ATXN1: variants seen among roughly 807,000 people sequenced by gnomAD.
ATXN1 encodes ataxin 1.
In ATXN1, 8 loss-of-function variants were observed where a neutral mutation model predicts 56.4. The ratio of observed to expected loss-of-function variants is 0.14; its 90% CI spans 0.08 to 0.26. The LOEUF (loss-of-function observed/expected upper bound fraction) is 0.26, where lower values mean the gene tolerates loss of function less well. Among genes scored for constraint, ATXN1 ranks in the 10% least tolerant of loss-of-function variants. The pLI is 1.00. For synonymous variants in ATXN1, 514 were observed against 494.6 expected (o/e 1.04, Z -0.52); for missense variants, 987 against 1,106.5 (o/e 0.89, Z 1.53).
chr6:16,533,107 T>C (rs560398408), intron 4 of ATXN1, among the ~76,000 whole-genome samples: 1 of 152,318 alleles, frequency 6.6e-6, no homozygotes. Context: ...TTTGGGAAGA[T>C]GAAAACGTTC....
At chr6:16,564,313 G>GA (rs11403124) in intron 4 of ATXN1, among the ~76,000 whole-genome samples, 44,045 of 150,974 alleles carry the variant, frequency 0.29, 6,781 homozygotes, top group East Asian at 0.59. Flanking sequence ...TGTGTAAAAT[G>GA]AAAAAAAAAT....
intron 4 of ATXN1, among the ~76,000 whole-genome samples, chr6:16,564,991 A>G (rs1044356179): frequency 2.6e-5 from 4 of 152,204 alleles, no homozygotes; most frequent in Non-Finnish European, 5.9e-5. Flanking sequence ...TGACTTATGA[A>G]TATCAGAAGA....
intron 6 of ATXN1, among the ~76,000 whole-genome samples, chr6:16,385,074 G>A (rs964347406): frequency 6.6e-6 from 1 of 152,192 alleles, no homozygotes; most frequent in Non-Finnish European, 1.5e-5. Context: ...AGAGTACACA[G>A]GAATGTGTGA....
intron 3 of ATXN1, among the ~76,000 whole-genome samples, chr6:16,605,362 A>C (rs999678988): frequency 1.3e-5 from 2 of 152,140 alleles, no homozygotes; most frequent in African/African-American, 4.8e-5. Context: ...AGGCTTAAAG[A>C]GGGTATGACT....
intron 3 of ATXN1, among the ~76,000 whole-genome samples, chr6:16,640,563 G>A (rs1385915253): frequency 1.3e-5 from 2 of 151,402 alleles, no homozygotes; most frequent in Non-Finnish European, 3.0e-5. Context: ...GGTGCCTGTA[G>A]TCTCAGCTAT....
At chr6:16,491,090 A>ATTTTTTTTTTTTTTTTTTTTTTTTTT (rs35884389) in intron 5 of ATXN1, among the ~76,000 whole-genome samples, 1 of 78,310 alleles carries the variant, frequency 1.3e-5, no homozygotes, top group Non-Finnish European at 2.2e-5. Flanking sequence ...GGATCCCTGG[A>ATTTTTTTTTTTTTTTTTTTTTTTTTT]TTTTTTTTTT....
intron 2 of ATXN1, among the ~76,000 whole-genome samples, chr6:16,660,430 A>G (rs189165786): frequency 1.1e-4 from 17 of 152,242 alleles, no homozygotes; most frequent in South Asian, 4.1e-4. Context: ...CTGAACAGTT[A>G]TAAGCAACAG....
chr6:16,694,859 T>C (rs1759127704), intron 2 of ATXN1, among the ~76,000 whole-genome samples: 1 of 152,208 alleles, frequency 6.6e-6, no homozygotes. Flanking sequence ...CCTCCTCAAG[T>C]GGAGTCGAAC....
intron 3 of ATXN1, among the ~76,000 whole-genome samples, chr6:16,651,194 C>G (rs1320685568): frequency 6.6e-6 from 1 of 152,192 alleles, no homozygotes; most frequent in African/African-American, 2.4e-5. Context: ...TGCTGAAGGT[C>G]TGCAACAGAA....
At position 16,326,906 on chromosome 6, in the gene ATXN1, G is replaced by T; in HGVS notation, c.1405C>A (p.Gln469Lys). The T allele has an allele frequency of 6.2e-7, 1 of 1,613,334 alleles. No homozygotes were observed. The highest frequency in any genetic ancestry group is 8.5e-7 in the Non-Finnish European group (1 of 1,179,524). Residue 469 changes from glutamine to lysine, a missense_variant, in exon 7 of 8, where the codon CAG becomes AAG. Around this residue, in one of 3 missense-constraint regions of ATXN1, gnomAD observed 723 missense variants for 791.7 expected, o/e 0.91. Transcript: ENST00000436367. This position sits in a 1 kb window ranked among gnomAD's most constrained non-coding sequence, Gnocchi z 6.6. ...PPVIGYLSGQ[Q>K]QAITYAGSLP... ...CTGCCGGCGTAGGTGATTGCTTGCT[G>T]CTGGCCGCTCAGGTAGCCGATGACA...
chr6:16,723,763 A>C (rs1282429624), intron 2 of ATXN1, among the ~76,000 whole-genome samples: 1 of 148,990 alleles, frequency 6.7e-6, no homozygotes, highest in Non-Finnish European at 1.5e-5. Flanking sequence ...AGAATCTGAC[A>C]TTTTGAAATT....
chr6:16,390,020 A>T (rs1758320205), intron 6 of ATXN1, among the ~76,000 whole-genome samples: 1 of 152,232 alleles, frequency 6.6e-6, no homozygotes, highest in South Asian at 2.1e-4. Context: ...ACAGATTATT[A>T]ATAGGCCTAC....
chr6:16,443,660 C>T (rs1351422138), intron 6 of ATXN1, among the ~76,000 whole-genome samples: 1 of 152,144 alleles, frequency 6.6e-6, no homozygotes, highest in East Asian at 1.9e-4. Context: ...GAAATTATTG[C>T]AAGTGTAGTG....
intron 6 of ATXN1, among the ~76,000 whole-genome samples, chr6:16,332,333 G>T (rs1458559694): frequency 6.6e-6 from 1 of 152,162 alleles, no homozygotes; most frequent in Non-Finnish European, 1.5e-5. Context: ...TCTATCGGGT[G>T]ATCATGGGAC....
intron 3 of ATXN1, among the ~76,000 whole-genome samples, chr6:16,632,341 G>A (rs1763519335): frequency 6.6e-6 from 1 of 152,224 alleles, no homozygotes. Context: ...ACATGAGGAT[G>A]ACATGTGACA....
intron 6 of ATXN1, among the ~76,000 whole-genome samples, chr6:16,348,966 C>T (rs1004092081): frequency 2.0e-5 from 3 of 152,200 alleles, no homozygotes; most frequent in African/African-American, 4.8e-5. Flanking sequence ...TTTCTCTGAT[C>T]TAAGTACTAA....
At chr6:16,556,528 G>A (rs1762017391) in intron 4 of ATXN1, among the ~76,000 whole-genome samples, 2 of 152,286 alleles carry the variant, frequency 1.3e-5, no homozygotes, top group East Asian at 1.9e-4. Flanking sequence ...CACTGCGGGA[G>A]AACTAACACA....
chr6:16,493,814 T>G (rs199787204), intron 5 of ATXN1, among the ~76,000 whole-genome samples: 4 of 152,172 alleles, frequency 2.6e-5, no homozygotes, highest in African/African-American at 4.8e-5. Flanking sequence ...AATCATCACA[T>G]AAGTCTCTAA....
At chr6:16,523,740 A>G (rs1419272000) in intron 4 of ATXN1, among the ~76,000 whole-genome samples, 1 of 152,194 alleles carries the variant, frequency 6.6e-6, no homozygotes, top group Non-Finnish European at 1.5e-5. Context: ...TGACTGAGTA[A>G]TCCCGTGAGG....
Sources: gnomAD v4.1 joint callset for allele counts (sites outside exome capture counted in the v4.1 genomes callset) on GRCh38, gnomAD v4.1.1 for gene constraint, gnomAD v4.1.1 regional missense constraint, Gnocchi (gnomAD v3.1) non-coding constraint, MANE v1.5 for transcripts, NCBI Gene and HGNC (gene_info 2026-07-23, HGNC 2026-07-21) for gene names.